PHIP: variants seen among roughly 807,000 people sequenced by gnomAD.
PHIP encodes the protein PHIP subunit of CUL4-Ring ligase complex.
In PHIP, 54 loss-of-function variants were observed where a neutral mutation model predicts 236.8. The ratio of observed to expected loss-of-function variants is 0.23; its 90% CI spans 0.18 to 0.29. PHIP has a LOEUF of 0.29. Among genes scored for constraint, PHIP ranks in the 10% least tolerant of loss-of-function variants. The pLI is 1.00. For missense variants in PHIP, 1,370 were observed against 2,190.8 expected (o/e 0.63, Z 7.48); for synonymous variants, 756 against 718.9 (o/e 1.05, Z -0.83).
chr6:79,002,655 T>C (rs1000114851), intron 16 of PHIP, among the ~76,000 whole-genome samples: 3 of 152,136 alleles, frequency 2.0e-5, no homozygotes, highest in Admixed American at 2.0e-4. Context: ...TTTGGAGTCA[T>C]GGAACATATT....
At position 78,978,635 on chromosome 6, in the gene PHIP, G is replaced by T. The variant is rs1768283568; in HGVS notation, c.2846C>A (p.Thr949Asn). 1.9e-6 allele frequency: 3 copies of T among 1,594,110 alleles called. No homozygotes were observed. Among genetic ancestry groups the T allele is most frequent in the Non-Finnish European group, 2.6e-6 (3 of 1,166,120 alleles). ...CACAAATGGACATCTTCGGGGAATG[G>T]TATCTGTAATCCATGTTGATGGCAA... ...EWLPSTWITDTIPRRCPFVPQ... is the reference protein window; with the variant it reads ...EWLPSTWITDNIPRRCPFVPQ... The change falls in exon 24 of 40, where the codon ACC becomes AAC. Residue 949 changes from threonine (T) to asparagine (N), a missense_variant. Around this residue, in one of 14 missense-constraint regions of PHIP, gnomAD observed 238 missense variants for 398.5 expected, o/e 0.60. Transcript: ENST00000275034.
intron 35 of PHIP, among the ~76,000 whole-genome samples, chr6:78,951,695 T>C (rs963284608): frequency 3.9e-5 from 6 of 152,236 alleles, no homozygotes; most frequent in African/African-American, 1.4e-4. Flanking sequence ...TTGCTAAATA[T>C]TGTTCTCATT....
intron 31 of PHIP, among the ~76,000 whole-genome samples, chr6:78,959,704 G>T (rs1368637726): frequency 6.6e-6 from 1 of 152,110 alleles, no homozygotes; most frequent in Non-Finnish European, 1.5e-5. Flanking sequence ...ATTCATGTAA[G>T]TATTGTCTTT....
chr6:79,038,207 A>C (rs891890968), intron 7 of PHIP, among the ~76,000 whole-genome samples: 1 of 152,232 alleles, frequency 6.6e-6, no homozygotes, highest in Admixed American at 6.5e-5. Context: ...TTGTAAACAG[A>C]AAGTTATTAC....
At chr6:78,990,370 A>G (rs1769151727) in intron 20 of PHIP, among the ~76,000 whole-genome samples, 1 of 152,224 alleles carries the variant, frequency 6.6e-6, no homozygotes, top group Non-Finnish European at 1.5e-5. Context: ...TGGGTGCAAC[A>G]GTTTTTCCAG....
Position 78,963,098 on chromosome 6 carries a change from T to A in PHIP, c.3534A>T (p.Leu1178=), listed in dbSNP as rs1297289591. ...ATACTCGCGTGTTGCTTTACTTACCTAGTGTCATCAACTGGTTTATTCCTG... is the reference window on the plus strand; with the variant it reads ...ATACTCGCGTGTTGCTTTACTTACCAAGTGTCATCAACTGGTTTATTCCTG... The part of the protein sequence containing the change: ...IVAGINQLMT[L]DIASAFVAPV... Residue 1178 remains leucine, a splice_region_variant and synonymous_variant, in exon 30 of 40, where the codon CTA becomes CTT. Coordinates refer to ENST00000275034, the MANE Select transcript of PHIP (RefSeq NM_017934.7). 1 of 1,592,802 alleles carries A rather than the reference T, an allele frequency of 6.3e-7. No individual in the cohort carries two copies. The highest frequency in any genetic ancestry group is 8.5e-7 in the Non-Finnish European group (1 of 1,171,696).
intron 24 of PHIP, among the ~76,000 whole-genome samples, chr6:78,974,608 A>T (rs776780935): frequency 5.3e-5 from 8 of 152,250 alleles, no homozygotes; most frequent in African/African-American, 1.7e-4. Context: ...TGAAAGATCA[A>T]CAAAATCGAT....
intron 4 of PHIP, among the ~76,000 whole-genome samples, chr6:79,076,033 A>G (rs978971755): frequency 3.9e-5 from 6 of 152,230 alleles, no homozygotes; most frequent in Non-Finnish European, 8.8e-5. Flanking sequence ...AGTAACCCAA[A>G]TCACTCCTTG....
At chr6:78,979,113 C>T (rs1486862765) in intron 23 of PHIP, among the ~76,000 whole-genome samples, 1 of 152,054 alleles carries the variant, frequency 6.6e-6, no homozygotes, top group East Asian at 1.9e-4. Context: ...TTGAACATCC[C>T]TGGATTTTGT....
chr6:79,020,150 T>C (rs1242982629), intron 9 of PHIP, among the ~76,000 whole-genome samples: 5 of 152,120 alleles, frequency 3.3e-5, no homozygotes, highest in African/African-American at 1.2e-4. Context: ...GCAAAAATAA[T>C]TGCGGTTTTG....
intron 6 of PHIP, among the ~76,000 whole-genome samples, chr6:79,056,038 A>G (rs1773051870): frequency 6.6e-6 from 1 of 152,162 alleles, no homozygotes; most frequent in Non-Finnish European, 1.5e-5. Flanking sequence ...TCAACTACCT[A>G]CTACTTTTCA....
Position 78,941,220 on chromosome 6 carries a change from C to T in PHIP, c.4939G>A (p.Val1647Ile), listed in dbSNP as rs1219672984. The change falls in exon 40 of 40, where the codon GTT (valine) becomes ATT (isoleucine). Residue 1647 changes from valine to isoleucine, a missense_variant. Physicochemically the swap from Val to Ile is conservative, Grantham distance 29 (BLOSUM62 3). Transcript: ENST00000275034. ...ATAATTTCACCACTATTGGTATTAA[C>T]TTCTACTTTAGGTTTCCTTCCAGGT... The part of the protein sequence containing the change: ...RGPGRKPKVE[V>I]NTNSGEIIHK... The T allele has an allele frequency of 6.2e-7, 1 of 1,613,842 alleles. No homozygotes were observed. The highest frequency in any genetic ancestry group is 1.3e-5 in the African/African-American group (1 of 74,904).
intron 6 of PHIP, among the ~76,000 whole-genome samples, chr6:79,059,034 T>C (rs901458209): frequency 6.6e-6 from 1 of 152,106 alleles, no homozygotes; most frequent in Non-Finnish European, 1.5e-5. Flanking sequence ...CAAGATTATA[T>C]ATTGAAATTA....
chr6:79,032,739 A>G (rs1183958470), intron 7 of PHIP, among the ~76,000 whole-genome samples: 1 of 150,546 alleles, frequency 6.6e-6, no homozygotes, highest in Non-Finnish European at 1.5e-5. Flanking sequence ...TGACATTCTG[A>G]CCTCCTCCCA....
At chr6:78,955,556 G>A in intron 33 of PHIP, 57 bp downstream of exon 33, 1 of 622,134 alleles carries the variant, frequency 1.6e-6, no homozygotes, top group South Asian at 2.1e-5. Context: ...ACTACAATAT[G>A]TAAATTTTTT....
intron 4 of PHIP, among the ~76,000 whole-genome samples, chr6:79,075,360 A>G (rs1774098511): frequency 6.6e-6 from 1 of 152,188 alleles, no homozygotes; most frequent in Admixed American, 6.5e-5. Flanking sequence ...AAAACGAGTC[A>G]AAGAACTCCA....
chr6:78,960,355 C>T (rs1451402738), intron 31 of PHIP, among the ~76,000 whole-genome samples: 6 of 152,008 alleles, frequency 3.9e-5, no homozygotes, highest in Non-Finnish European at 8.8e-5. Flanking sequence ...TCTCATCCAC[C>T]CATGTCTTGT....
chr6:79,012,411 A>T (rs1770629842), intron 15 of PHIP, among the ~76,000 whole-genome samples: 1 of 151,740 alleles, frequency 6.6e-6, no homozygotes, highest in African/African-American at 2.4e-5. Context: ...ATGAAATATT[A>T]TTTAATCTTA....
intron 23 of PHIP, among the ~76,000 whole-genome samples, chr6:78,980,779 A>T (rs2127716959): frequency 6.6e-6 from 1 of 152,180 alleles, no homozygotes; most frequent in East Asian, 1.9e-4. Context: ...AGGAGCTAAA[A>T]GTTTGTTTGA....
Sources: allele counts gnomAD v4.1 joint callset (sites outside exome capture counted in the v4.1 genomes callset), GRCh38; gene constraint gnomAD v4.1.1; regional missense constraint gnomAD v4.1.1; transcripts MANE v1.5; gene names NCBI Gene and HGNC (gene_info 2026-07-23, HGNC 2026-07-21).